TRAF3: variants seen among roughly 807,000 people sequenced by gnomAD.
TRAF3 encodes TNF receptor associated factor 3.
A neutral mutation model predicts 62.3 loss-of-function variants in TRAF3; 13 were observed. The observed-to-expected ratio is 0.21, with a 90% confidence interval of 0.14 to 0.33. TRAF3 has a LOEUF of 0.33. Among genes scored for constraint, TRAF3 ranks in the 10% least tolerant of loss-of-function variants. TRAF3 has a pLI of 1.00. For synonymous variants in TRAF3, 269 were observed against 283.4 expected (o/e 0.95, Z 0.51); for missense variants, 440 against 741.8 (o/e 0.59, Z 4.73).
At chr14:102,831,208 C>T (rs1900660333) in intron 2 of TRAF3, among the ~76,000 whole-genome samples, 1 of 152,162 alleles carries the variant, frequency 6.6e-6, no homozygotes, top group African/African-American at 2.4e-5. Flanking sequence ...TGCTATGTGA[C>T]TGCTGAGTTA....
intron 1 of TRAF3, among the ~76,000 whole-genome samples, chr14:102,808,325 C>T (rs1406339946): frequency 6.6e-6 from 1 of 151,986 alleles, no homozygotes; most frequent in Non-Finnish European, 1.5e-5. Flanking sequence ...CTAGCCTGGC[C>T]AAGATGGTGA....
chr14:102,823,465 A>G (rs1900103017), intron 1 of TRAF3, among the ~76,000 whole-genome samples: 1 of 152,338 alleles, frequency 6.6e-6, no homozygotes, highest in East Asian at 1.9e-4. Flanking sequence ...TATTAAAATT[A>G]AGATCAACTT....
intron 4 of TRAF3, among the ~76,000 whole-genome samples, chr14:102,873,614 G>C (rs1354027116): frequency 1.3e-5 from 2 of 152,198 alleles, no homozygotes; most frequent in African/African-American, 4.8e-5. Context: ...TGGGCCCCGG[G>C]TGACCCGGAT....
At position 102,795,596 on chromosome 14, in the gene TRAF3, ATATGTGTG is replaced by A. The variant is rs913994134; in HGVS notation, c.-157+17923_-157+17930del. Among the ~76,000 whole-genome samples, 672 of 129,246 alleles carry A rather than the reference ATATGTGTG, an allele frequency of 5.2e-3. 4 individuals are homozygous for A. Among genetic ancestry groups the A allele is most frequent in the African/African-American group, 0.019 (631 of 33,868 alleles). 84.8% of individuals were successfully genotyped at this position (129,246 alleles called of 152,430 possible). A position where few individuals can be genotyped will look rare whatever the true frequency, so the allele number is the denominator to read the frequency against. On this transcript the variant is annotated intron_variant, in intron 1 of 11. Coordinates refer to ENST00000392745, the MANE Select transcript of TRAF3 (RefSeq NM_145725.3). ...CATGATATGTATGCATGATATGTATATATGTGTGTGTGTGTGTGTGTGTGCATAGTTTT... is the reference window on the plus strand; with the variant it reads ...CATGATATGTATGCATGATATGTATATGTGTGTGTGTGTGTGCATAGTTTT...
chr14:102,815,525 C>G (rs60336494), intron 1 of TRAF3, among the ~76,000 whole-genome samples: 35 of 152,196 alleles, frequency 2.3e-4, no homozygotes, highest in African/African-American at 8.2e-4. Flanking sequence ...ACCACTGTGC[C>G]TGGCTTATTG....
intron 3 of TRAF3, among the ~76,000 whole-genome samples, chr14:102,870,757 C>T (rs1034293530): frequency 2.6e-5 from 4 of 152,246 alleles, no homozygotes; most frequent in African/African-American, 9.6e-5. Flanking sequence ...GGAGGAGATA[C>T]ACCAGGAAAT....
chr14:102,802,255 C>T (rs1324115730), intron 1 of TRAF3, among the ~76,000 whole-genome samples: 9 of 144,382 alleles, frequency 6.2e-5, no homozygotes, highest in Non-Finnish European at 1.2e-4. Flanking sequence ...CCCGGGTTCA[C>T]GCCATTCTCC....
At chr14:102,880,712 T>A (rs1198683987) in intron 6 of TRAF3, among the ~76,000 whole-genome samples, 1 of 152,232 alleles carries the variant, frequency 6.6e-6, no homozygotes, top group Non-Finnish European at 1.5e-5. Context: ...TCAACCTAAA[T>A]GCCCATCAGT....
At chr14:102,866,363 A>G (rs373802192) in intron 2 of TRAF3, among the ~76,000 whole-genome samples, 1 of 152,198 alleles carries the variant, frequency 6.6e-6, no homozygotes, top group East Asian at 1.9e-4. Flanking sequence ...GTGTATACCC[A>G]TATAACAAGT....
chr14:102,812,606 T>C (rs190538781), intron 1 of TRAF3, among the ~76,000 whole-genome samples: 7 of 152,324 alleles, frequency 4.6e-5, no homozygotes, highest in African/African-American at 1.7e-4. Flanking sequence ...TTTACATTCC[T>C]ACCAATAGTG....
chr14:102,790,386 A>G (rs1311120499), intron 1 of TRAF3, among the ~76,000 whole-genome samples: 1 of 152,224 alleles, frequency 6.6e-6, no homozygotes. Context: ...AGTCTGTTAC[A>G]TCAGTACCAC....
At position 102,781,986 on chromosome 14, in the gene TRAF3, G is replaced by A. The variant is rs1897292358; in HGVS notation, c.-157+4311G>A. Among the ~76,000 whole-genome samples the A allele has an allele frequency of 9.9e-5, 15 of 152,158 alleles. No individual in the cohort carries two copies. In the South Asian group the frequency reaches 3.1e-3, roughly 32 times the overall value. ...TTTTTGTATTTTTAGTAGAGATGGG[G>A]TTTCACCATCTTGGCCAGGCTGGTC... is the stretch of plus-strand genomic sequence containing the variant. On this transcript the variant is annotated intron_variant, in intron 1 of 11. Coordinates refer to ENST00000392745, the MANE Select transcript of TRAF3 (RefSeq NM_145725.3).
chr14:102,825,697 C>T (rs1042264526), intron 1 of TRAF3, among the ~76,000 whole-genome samples: 3 of 152,222 alleles, frequency 2.0e-5, no homozygotes, highest in African/African-American at 7.2e-5. Flanking sequence ...CCACTGGAGG[C>T]TGGTGAGAGT....
At chr14:102,865,541 C>T (rs946347109) in intron 2 of TRAF3, among the ~76,000 whole-genome samples, 1 of 149,948 alleles carries the variant, frequency 6.7e-6, no homozygotes, top group Non-Finnish European at 1.5e-5. Context: ...ATTCTGTCAC[C>T]GAGGCTGGAG....
chr14:102,889,412 G>A (rs1889583736), intron 7 of TRAF3, 148 bp from the exon 8 acceptor site: 1 of 773,510 alleles, frequency 1.3e-6, no homozygotes, highest in Non-Finnish European at 2.3e-6. Context: ...TTACTGCATA[G>A]AAGTCTAGGC....
intron 1 of TRAF3, among the ~76,000 whole-genome samples, chr14:102,816,997 A>C (rs1899574459): frequency 6.6e-6 from 1 of 152,262 alleles, no homozygotes; most frequent in South Asian, 2.1e-4. Flanking sequence ...CATGTGAGGA[A>C]GGGGGTCCTT....
At chr14:102,792,154 T>A (rs1282588246) in intron 1 of TRAF3, among the ~76,000 whole-genome samples, 1 of 122,040 alleles carries the variant, frequency 8.2e-6, no homozygotes, top group African/African-American at 3.2e-5. Context: ...AGACCAGGTC[T>A]CACTCTTTTG....
intron 3 of TRAF3, among the ~76,000 whole-genome samples, chr14:102,870,794 G>A (rs1348960439): frequency 1.3e-5 from 2 of 152,200 alleles, no homozygotes; most frequent in Non-Finnish European, 2.9e-5. Flanking sequence ...AAGGGCACGT[G>A]TGCTGGTGTG....
intron 6 of TRAF3, among the ~76,000 whole-genome samples, chr14:102,884,889 A>AT (rs1252358219): frequency 3.3e-5 from 5 of 151,956 alleles, no homozygotes; most frequent in Admixed American, 6.6e-5. Flanking sequence ...CACTCACCCC[A>AT]TTTTTTTACC....
Sources: gnomAD v4.1 joint callset for allele counts (sites outside exome capture counted in the v4.1 genomes callset) on GRCh38, gnomAD v4.1.1 for gene constraint, MANE v1.5 for transcripts, NCBI Gene and HGNC (gene_info 2026-07-23, HGNC 2026-07-21) for gene names.